Variants in NTM observed in about 807,000 individuals in gnomAD.
NTM encodes the protein IgLON family member 2.
Under a neutral mutation model 42.1 loss-of-function variants are expected in NTM, and 13 were observed. The observed-to-expected ratio is 0.31, with a 90% CI of 0.20 to 0.49. The LOEUF (loss-of-function observed/expected upper bound fraction) is 0.49, where lower values mean the gene tolerates loss of function less well. NTM is among the 20% of genes least tolerant of loss of function. NTM has a pLI of 0.99. For missense variants in NTM, 373 were observed against 452.8 expected, an observed-to-expected ratio of 0.82 and a Z score of 1.60; for synonymous variants, 187 against 179.2, an observed-to-expected ratio of 1.04 and a Z score of -0.35.
intron 3 of NTM, among the ~76,000 whole-genome samples, chr11:132,185,864 T>C (rs185428429): frequency 6.6e-6 from 1 of 152,256 alleles, no homozygotes; most frequent in Admixed American, 6.5e-5. Flanking sequence ...GCTCGGATTC[T>C]TTAACGTTGA....
At chr11:131,599,205 G>A (rs1310595056) in intron 1 of NTM, among the ~76,000 whole-genome samples, 4 of 152,064 alleles carry the variant, frequency 2.6e-5, no homozygotes, top group Non-Finnish European at 5.9e-5. Flanking sequence ...TTGAGCCACC[G>A]CACCTGGCCT....
intron 3 of NTM, among the ~76,000 whole-genome samples, chr11:132,179,921 C>T (rs957244072): frequency 6.6e-6 from 1 of 152,122 alleles, no homozygotes; most frequent in African/African-American, 2.4e-5. Context: ...CTGTTTGATC[C>T]TGGTATGCTT....
At chr11:131,506,287 A>G (rs940047339) in intron 1 of NTM, among the ~76,000 whole-genome samples, 1 of 152,078 alleles carries the variant, frequency 6.6e-6, no homozygotes, top group Non-Finnish European at 1.5e-5. Flanking sequence ...CTGGTGCCTG[A>G]GGCTTTATGT....
At chr11:132,014,580 C>G (rs889968214) in intron 2 of NTM, among the ~76,000 whole-genome samples, 1 of 152,114 alleles carries the variant, frequency 6.6e-6, no homozygotes, top group Non-Finnish European at 1.5e-5. Context: ...ACCATTCTAA[C>G]CTGGGTAAGA....
chr11:131,871,419 G>A (rs2047768965), intron 1 of NTM, among the ~76,000 whole-genome samples: 1 of 152,180 alleles, frequency 6.6e-6, no homozygotes, highest in Non-Finnish European at 1.5e-5. Context: ...AATAAATAAA[G>A]CTACTGAGGC....
intron 1 of NTM, among the ~76,000 whole-genome samples, chr11:131,446,522 T>C (rs560419402): frequency 8.5e-5 from 13 of 152,240 alleles, no homozygotes; most frequent in African/African-American, 3.1e-4. Flanking sequence ...TTAAAAAAAA[T>C]GAATTCTTCA....
chr11:131,945,977 T>C (rs74529420), intron 2 of NTM, among the ~76,000 whole-genome samples: 7,496 of 152,298 alleles, frequency 0.049, 253 homozygotes, highest in Middle Eastern at 0.085. Context: ...GGCTGATGGA[T>C]TGAATGTATC....
At chr11:132,219,515 A>C (rs541110958) in intron 4 of NTM, among the ~76,000 whole-genome samples, 5 of 151,624 alleles carry the variant, frequency 3.3e-5, no homozygotes, top group Non-Finnish European at 5.9e-5. Context: ...AATATGTATA[A>C]TATTATATTA....
intron 4 of NTM, among the ~76,000 whole-genome samples, chr11:132,248,568 G>T (rs2091528254): frequency 6.6e-6 from 1 of 152,160 alleles, no homozygotes; most frequent in African/African-American, 2.4e-5. Context: ...CTTCAGTACT[G>T]CCATGCAAAT....
In NTM at chr11:131,432,839, C is replaced by CTTTTTTTT. The variant is rs377739708; in HGVS notation, c.82+61976_82+61983dup. 7.4e-4 allele frequency among the ~76,000 whole-genome samples: 51 copies of CTTTTTTTT among 68,702 alleles called. 3 individuals are homozygous for CTTTTTTTT. Among genetic ancestry groups the CTTTTTTTT allele is most frequent in the African/African-American group, 1.6e-3 (26 of 16,094 alleles). The allele number at this position is 68,702 out of a possible 152,430, so 45.1% of individuals were successfully genotyped here. On this transcript the variant is annotated intron_variant, in intron 1 of 8. Coordinates refer to ENST00000683400, the MANE Select transcript of NTM (RefSeq NM_001352005.2). ...CTACAAAAGATGAAGATTTAGCATT[C>CTTTTTTTT]TTTTTTTTTTTTTTTTTTTTTTTTT...
At chr11:132,297,582 A>G (rs1271608202) in intron 4 of NTM, among the ~76,000 whole-genome samples, 1 of 152,246 alleles carries the variant, frequency 6.6e-6, no homozygotes, top group Non-Finnish European at 1.5e-5. Context: ...CTATTCTTCA[A>G]AAGGATTATT....
At chr11:132,055,411 T>C (rs561387788) in intron 2 of NTM, among the ~76,000 whole-genome samples, 2 of 152,058 alleles carry the variant, frequency 1.3e-5, no homozygotes, top group African/African-American at 2.4e-5. Flanking sequence ...CATACTCAAA[T>C]AGTATGAGCC....
intron 1 of NTM, among the ~76,000 whole-genome samples, chr11:131,777,838 G>T (rs2087319001): frequency 6.6e-6 from 1 of 152,170 alleles, no homozygotes; most frequent in African/African-American, 2.4e-5. Context: ...AAACACTGTA[G>T]ATTTTACATT....
chr11:132,168,828 A>C (rs1007032530), intron 3 of NTM, among the ~76,000 whole-genome samples: 1 of 152,164 alleles, frequency 6.6e-6, no homozygotes, highest in African/African-American at 2.4e-5. Context: ...GTTGAGAAGG[A>C]GCTTGCCTTG....
At chr11:131,482,069 G>A (rs956105156) in intron 1 of NTM, among the ~76,000 whole-genome samples, 4 of 152,212 alleles carry the variant, frequency 2.6e-5, no homozygotes, top group Non-Finnish European at 5.9e-5. Flanking sequence ...AATTAACCTA[G>A]TTGGAATTGG....
intron 4 of NTM, among the ~76,000 whole-genome samples, chr11:132,290,018 G>A (rs1354098069): frequency 6.6e-6 from 1 of 152,210 alleles, no homozygotes; most frequent in Non-Finnish European, 1.5e-5. Flanking sequence ...AAGGAAGGAG[G>A]AAAATAAACA....
chr11:131,887,914 G>A (rs560064871), intron 1 of NTM, among the ~76,000 whole-genome samples: 1 of 152,158 alleles, frequency 6.6e-6, no homozygotes, highest in African/African-American at 2.4e-5. Flanking sequence ...GAAAACCAAG[G>A]CAAGAAGAGA....
At chr11:131,561,753 C>T (rs1025248559) in intron 1 of NTM, among the ~76,000 whole-genome samples, 1 of 152,180 alleles carries the variant, frequency 6.6e-6, no homozygotes, top group Non-Finnish European at 1.5e-5. Context: ...CTTTCCTTTC[C>T]TGGCCCGAGA....
chr11:131,760,468 C>G (rs547158998), intron 1 of NTM, among the ~76,000 whole-genome samples: 5 of 152,146 alleles, frequency 3.3e-5, no homozygotes, highest in Non-Finnish European at 7.4e-5. Flanking sequence ...ATCAGCATGG[C>G]GCATTGTTAA....
Sources: gnomAD v4.1 joint callset for allele counts (sites outside exome capture counted in the v4.1 genomes callset) on GRCh38, gnomAD v4.1.1 for gene constraint, MANE v1.5 for transcripts, NCBI Gene and HGNC (gene_info 2026-07-23, HGNC 2026-07-21) for gene names.